Variants in GDA observed in about 807,000 individuals in gnomAD.
GDA encodes cytoplasmic PSD-95 interactor.
Under a neutral mutation model 59.6 loss-of-function variants are expected in GDA, and 18 were observed. That is an observed-to-expected ratio of 0.30 (90% CI 0.21 to 0.45). The LOEUF (loss-of-function observed/expected upper bound fraction) is 0.45. GDA is among the 20% of genes least tolerant of loss of function. GDA has a pLI of 1.00. For synonymous variants in GDA, 201 were observed against 201.1 expected (o/e 1.00, Z 0.00); for missense variants, 427 against 552.3 (o/e 0.77, Z 2.27).
chr9:72,174,519 A>G (rs1033940115), intron 1 of GDA, among the ~76,000 whole-genome samples: 20 of 152,220 alleles, frequency 1.3e-4, no homozygotes, highest in Non-Finnish European at 2.9e-4. Flanking sequence ...GATTTAAGCC[A>G]GGTAGCTTGG....
intron 2 of GDA, among the ~76,000 whole-genome samples, chr9:72,198,861 A>AT (rs1491123372): frequency 0.03 from 4,378 of 146,534 alleles, 395 homozygotes; most frequent in African/African-American, 0.11. Context: ...ATATATATAT[A>AT]AAATTTTTTT....
chr9:72,232,924 T>G (rs758964446), intron 10 of GDA, among the ~76,000 whole-genome samples: 6 of 152,238 alleles, frequency 3.9e-5, no homozygotes, highest in Non-Finnish European at 8.8e-5. Flanking sequence ...GCACAGTGCC[T>G]GCCTGGCACA....
At position 72,199,455 on chromosome 9, in the gene GDA, T is replaced by G. The variant is rs906918007; in HGVS notation, c.213-3116T>G. ...TGAAGACTTTGTACTCTGAATCATC[T>G]TTCACTCTCTCATCTCAGCTACAAT... On this transcript the variant is annotated intron_variant, in intron 2 of 13. Transcript: ENST00000358399. Among the ~76,000 whole-genome samples the G allele has an allele frequency of 5.9e-5, 9 of 152,198 alleles. No homozygotes were observed. In the East Asian group the frequency reaches 1.7e-3, roughly 29 times the overall value.
intron 5 of GDA, among the ~76,000 whole-genome samples, chr9:72,218,040 A>G (rs1429301629): frequency 6.6e-6 from 1 of 151,768 alleles, no homozygotes; most frequent in Non-Finnish European, 1.5e-5. Context: ...CAGCCTCCCT[A>G]GTAGCTCGGA....
chr9:72,197,142 A>C (rs1214048300), intron 2 of GDA, among the ~76,000 whole-genome samples: 1 of 152,176 alleles, frequency 6.6e-6, no homozygotes, highest in Non-Finnish European at 1.5e-5. Context: ...AGCTTTGCAG[A>C]TGTTAAAAGT....
At chr9:72,123,027 T>C (rs1825717115) in intron 1 of GDA, among the ~76,000 whole-genome samples, 1 of 152,204 alleles carries the variant, frequency 6.6e-6, no homozygotes, top group Non-Finnish European at 1.5e-5. Flanking sequence ...AGAAGGCACC[T>C]TCTCGATCTC....
At chr9:72,200,592 G>C (rs1027666796) in intron 2 of GDA, among the ~76,000 whole-genome samples, 2 of 122,560 alleles carry the variant, frequency 1.6e-5, no homozygotes, top group African/African-American at 6.6e-5. Flanking sequence ...AAATATAGTA[G>C]ACATTGGGAA....
rs1330714038 is a variant in GDA at position 72,251,763 on chromosome 9, T to C, written c.*3421T>C. 1.3e-5 allele frequency: 2 copies of C among 152,082 alleles called. No individual in the cohort carries two copies. The highest frequency in any genetic ancestry group is 1.3e-4 in the Admixed American group (2 of 15,240). 9.4% of individuals were successfully genotyped at this position (152,082 alleles called of 1,614,324 possible). A position where few individuals can be genotyped will look rare whatever the true frequency, so the allele number is the denominator to read the frequency against. ...TACTGTTAGAAAATCCTAACATTGG[T>C]CTCCGTGCATGTGTTCACACCTGGT... is the stretch of plus-strand genomic sequence containing the variant. On this transcript the variant is annotated 3_prime_UTR_variant, in exon 14 of 14. Coordinates refer to ENST00000358399, the MANE Select transcript of GDA (RefSeq NM_004293.5).
chr9:72,214,801 TC>T (rs1277400350), intron 5 of GDA: 1 of 279,552 alleles, frequency 3.6e-6, no homozygotes, highest in African/African-American at 2.3e-5. Context: ...TGGCGCGATC[TC>T]AGCTCACTGA....
chr9:72,210,650 G>T, intron 3 of GDA, 37 bp from the exon 4 acceptor site: 1 of 1,143,458 alleles, frequency 8.7e-7, no homozygotes, highest in Non-Finnish European at 1.3e-6. Context: ...ACTTTTCTGA[G>T]CACACGTGAT....
chr9:72,116,075 GT>G (rs1298275521), intron 1 of GDA, among the ~76,000 whole-genome samples: 1 of 151,882 alleles, frequency 6.6e-6, no homozygotes, highest in Non-Finnish European at 1.5e-5. Context: ...TCTACTAAAA[GT>G]ACAAAAAATT....
At chr9:72,125,911 A>ATTTG (rs537407106) in intron 1 of GDA, among the ~76,000 whole-genome samples, 118 of 152,044 alleles carry the variant, frequency 7.8e-4, no homozygotes, top group East Asian at 1.4e-3. Flanking sequence ...GGTTCAGGAA[A>ATTTG]TTTGTTTGTT....
At chr9:72,224,510 G>T (rs1291604155) in intron 7 of GDA, among the ~76,000 whole-genome samples, 1 of 152,144 alleles carries the variant, frequency 6.6e-6, no homozygotes, top group African/African-American at 2.4e-5. Context: ...GGTCTTAGGG[G>T]CCTTTTTCAG....
At chr9:72,149,230 C>G, upstream of GDA, 1 of 326,656 alleles carries the variant, frequency 3.1e-6, no homozygotes, top group Non-Finnish European at 5.7e-6. Flanking sequence ...GTGGAGGAAG[C>G]TGATCTTCTG....
chr9:72,127,776 A>G (rs974452474), intron 1 of GDA, among the ~76,000 whole-genome samples: 2 of 152,204 alleles, frequency 1.3e-5, no homozygotes, highest in Admixed American at 6.5e-5. Flanking sequence ...TGAGGATCAA[A>G]TGAAATAATG....
At chr9:72,200,955 T>C (rs574786156) in intron 2 of GDA, among the ~76,000 whole-genome samples, 1 of 152,320 alleles carries the variant, frequency 6.6e-6, no homozygotes, top group South Asian at 2.1e-4. Flanking sequence ...TTACTTTTTT[T>C]CAAGCTACAT....
rs551471826 is a variant in GDA at position 72,200,060 on chromosome 9, T to C, written c.213-2511T>C. Among the ~76,000 whole-genome samples the C allele has an allele frequency of 2.2e-4, 32 of 148,028 alleles. 1 individual carries two copies. Among genetic ancestry groups the C allele is most frequent in the Admixed American group, 4.1e-4 (6 of 14,710 alleles). On this transcript the variant is annotated intron_variant, in intron 2 of 13. Transcript: ENST00000358399. ...TCACCCAGGCTGGAGTGCAGTGGCA[T>C]GATCTCTGCTCACCTCAAGCTCCGC...
chr9:72,165,589 T>C (rs1829198807), intron 1 of GDA, among the ~76,000 whole-genome samples: 1 of 151,628 alleles, frequency 6.6e-6, no homozygotes, highest in South Asian at 2.1e-4. Flanking sequence ...AAAAAGAAAA[T>C]AAAAATAAAA....
chr9:72,147,118 C>T (rs757800984), upstream of GDA, among the ~76,000 whole-genome samples: 15 of 152,164 alleles, frequency 9.9e-5, no homozygotes, highest in Non-Finnish European at 2.2e-4. Flanking sequence ...GAACAACACA[C>T]ATTGTTTGAT....
Sources: gnomAD v4.1 joint callset for allele counts (sites outside exome capture counted in the v4.1 genomes callset) on GRCh38, gnomAD v4.1.1 for gene constraint, MANE v1.5 for transcripts, NCBI Gene and HGNC (gene_info 2026-07-23, HGNC 2026-07-21) for gene names.